Variants in GLDC observed in about 807,000 individuals in gnomAD.
GLDC encodes glycine decarboxylase, also known as glycine dehydrogenase (decarboxylating), mitochondrial.
GLDC carries 104 observed loss-of-function variants against 121.3 expected under a neutral mutation model. The observed-to-expected ratio is 0.86, with a 90% confidence interval of 0.73 to 1.01. The LOEUF is 1.01. GLDC is among the 50% of genes least tolerant of loss of function. The probability of loss-of-function intolerance (pLI) is 0.00; values close to 1 mark genes in which losing one functional copy is unlikely to be tolerated. For synonymous variants in GLDC, 546 were observed against 480.6 expected (o/e 1.14, Z -1.78); for missense variants, 1,429 against 1,306.6 (o/e 1.09, Z -1.44).
At chr9:6,556,793 CAA>C (rs71308875) in intron 17 of GLDC, among the ~76,000 whole-genome samples, 11 of 138,456 alleles carry the variant, frequency 7.9e-5, no homozygotes, top group South Asian at 2.3e-4. Flanking sequence ...GACTCCACGT[CAA>C]AAAAAAAAAA....
chr9:6,612,158 T>A (rs1391887699), intron 3 of GLDC, among the ~76,000 whole-genome samples: 1 of 151,348 alleles, frequency 6.6e-6, no homozygotes, highest in Non-Finnish European at 1.5e-5. Context: ...CAAGCAAAAA[T>A]CCATTCTGTT....
At chr9:6,576,999 CTT>C (rs1818077633) in intron 15 of GLDC, among the ~76,000 whole-genome samples, 1 of 152,166 alleles carries the variant, frequency 6.6e-6, no homozygotes, top group African/African-American at 2.4e-5. Context: ...TGAATTCTCT[CTT>C]AGAAAGAAAA....
chr9:6,604,036 C>G (rs1177881096), intron 7 of GLDC, among the ~76,000 whole-genome samples: 1 of 151,592 alleles, frequency 6.6e-6, no homozygotes, highest in Non-Finnish European at 1.5e-5. Flanking sequence ...CCCTTTTTTT[C>G]TTTTCTTTTC....
chr9:6,559,988 A>G (rs1029688907), intron 16 of GLDC, among the ~76,000 whole-genome samples: 22 of 152,194 alleles, frequency 1.4e-4, no homozygotes, highest in Non-Finnish European at 2.5e-4. Context: ...GTGCCTCAAG[A>G]GCTGAGCCTA....
chr9:6,536,427 C>T (rs543842730), intron 22 of GLDC, among the ~76,000 whole-genome samples, 191 bp from the exon 23 acceptor site: 64 of 152,282 alleles, frequency 4.2e-4, no homozygotes, highest in Middle Eastern at 6.8e-3. Flanking sequence ...TAATATCCAA[C>T]AATGGGGGAT....
intron 21 of GLDC, among the ~76,000 whole-genome samples, chr9:6,543,436 C>G (rs1817312794): frequency 6.6e-6 from 1 of 152,044 alleles, no homozygotes; most frequent in African/African-American, 2.4e-5. Context: ...GTCTTCCAAG[C>G]AGAGGTTCAG....
intron 8 of GLDC, among the ~76,000 whole-genome samples, chr9:6,595,911 T>C (rs1010414367): frequency 6.6e-6 from 1 of 152,166 alleles, no homozygotes; most frequent in Non-Finnish European, 1.5e-5. Context: ...AGGAAGTCTC[T>C]ATGGAGCCAA....
At chr9:6,642,037 G>A (rs1385615332) in intron 2 of GLDC, among the ~76,000 whole-genome samples, 1 of 152,130 alleles carries the variant, frequency 6.6e-6, no homozygotes, top group Non-Finnish European at 1.5e-5. Flanking sequence ...GCACACCTCA[G>A]AGTCAAAATT....
chr9:6,598,563 G>C (rs1818536930), intron 8 of GLDC, among the ~76,000 whole-genome samples: 1 of 152,180 alleles, frequency 6.6e-6, no homozygotes, highest in Non-Finnish European at 1.5e-5. Flanking sequence ...GAAGGCGGGG[G>C]TCAAAGACCT....
chr9:6,584,836 C>T (rs1011406900), intron 15 of GLDC, among the ~76,000 whole-genome samples: 12 of 152,128 alleles, frequency 7.9e-5, no homozygotes, highest in African/African-American at 1.9e-4. Context: ...TTGCCAGGAA[C>T]GACATCATGA....
chr9:6,645,579 G>A lies in GLDC; in HGVS notation c.-80C>T. ...CCCTCTCCTGGCCTCGGTCCCCCGGGTGGCGGCTGCGCCCGGCCTGGAGCC... is the reference window on the plus strand; with the variant it reads ...CCCTCTCCTGGCCTCGGTCCCCCGGATGGCGGCTGCGCCCGGCCTGGAGCC... On this transcript the variant is annotated 5_prime_UTR_variant, in exon 1 of 25. Coordinates refer to ENST00000321612, the MANE Select transcript of GLDC (RefSeq NM_000170.3). 9.2e-7 allele frequency: 1 copy of A among 1,091,782 alleles called. No homozygotes were observed. 67.6% of individuals were successfully genotyped at this position (1,091,782 alleles called of 1,614,324 possible). A position where few individuals can be genotyped will look rare whatever the true frequency, so the allele number is the denominator to read the frequency against.
chr9:6,537,452 A>C (rs201873751), intron 22 of GLDC, among the ~76,000 whole-genome samples: 4 of 152,202 alleles, frequency 2.6e-5, no homozygotes, highest in African/African-American at 4.8e-5. Flanking sequence ...TAACATCTGC[A>C]TGATTTCAAA....
chr9:6,629,941 A>ATATATATATATGTATATATATATACGTG (rs1554650752), intron 2 of GLDC, among the ~76,000 whole-genome samples: 1 of 71,060 alleles, frequency 1.4e-5, no homozygotes, highest in Non-Finnish European at 2.4e-5. Context: ...ATATATATAT[A>ATATATATATATGTATATATATATACGTG]TATGTATATA....
At chr9:6,548,495 C>T (rs1296824848) in intron 21 of GLDC, among the ~76,000 whole-genome samples, 1 of 152,162 alleles carries the variant, frequency 6.6e-6, no homozygotes, top group African/African-American at 2.4e-5. Flanking sequence ...CTCTGGGGAG[C>T]ATTTTAACCA....
At position 6,556,099 on chromosome 9, in the gene GLDC, TCCACATATCCA is replaced by T; in HGVS notation, c.2202+43_2202+53del. 4.0e-6 allele frequency: 6 copies of T among 1,495,992 alleles called. No homozygotes were observed. In the Admixed American group the frequency reaches 5.2e-5, roughly 13 times the overall value. 92.7% of individuals were successfully genotyped at this position (1,495,992 alleles called of 1,614,324 possible). ...CAAGAAGTCAGAATTTTTTTTTTTT[TCCACATATCCA>T]TTTTCTCAGTGGGAACTAAGGGCGG... On this transcript the variant is annotated intron_variant, in intron 18 of 24. Transcript: ENST00000321612.
intron 4 of GLDC, among the ~76,000 whole-genome samples, chr9:6,609,180 T>G (rs977286404): frequency 6.6e-6 from 1 of 151,944 alleles, no homozygotes; most frequent in Non-Finnish European, 1.5e-5. Flanking sequence ...GCAAGGCAAA[T>G]AAGGGAAGCA....
chr9:6,548,212 T>G (rs534203855), intron 21 of GLDC, among the ~76,000 whole-genome samples: 9 of 152,244 alleles, frequency 5.9e-5, no homozygotes, highest in African/African-American at 1.9e-4. Context: ...AACTGATTGA[T>G]GGAACCATGG....
At chr9:6,546,547 C>T (rs921329979) in intron 21 of GLDC, among the ~76,000 whole-genome samples, 4 of 152,068 alleles carry the variant, frequency 2.6e-5, no homozygotes, top group Non-Finnish European at 5.9e-5. Context: ...GACAGTAACA[C>T]ACACGGAGCT....
intron 15 of GLDC, among the ~76,000 whole-genome samples, chr9:6,583,703 G>T (rs1818213677): frequency 1.3e-5 from 2 of 152,126 alleles, no homozygotes; most frequent in South Asian, 2.1e-4. Context: ...AGTAAATTCT[G>T]ACACATGCCA....
Sources: gnomAD v4.1 joint callset for allele counts (sites outside exome capture counted in the v4.1 genomes callset) on GRCh38, gnomAD v4.1.1 for gene constraint, MANE v1.5 for transcripts, NCBI Gene and HGNC (gene_info 2026-07-23, HGNC 2026-07-21) for gene names.